KLF8: variants seen among roughly 807,000 people sequenced by gnomAD.
KLF8 encodes KLF transcription factor 8.
Under a neutral mutation model 18.2 loss-of-function variants are expected in KLF8, and 10 were observed. The observed-to-expected ratio is 0.55, with a 90% confidence interval of 0.34 to 0.93. KLF8 has a LOEUF of 0.93. KLF8 is among the 40% of genes least tolerant of loss of function. KLF8 has a pLI of 0.02. For missense variants in KLF8, 264 were observed against 277.9 expected (o/e 0.95, Z 0.36); for synonymous variants, 109 against 97.3 (o/e 1.12, Z -0.71).
chrX:56,010,017 G>A, the KLF8 span, among the ~76,000 whole-genome samples: 1 of 112,079 alleles, frequency 8.9e-6, no homozygotes, highest in Non-Finnish European at 1.9e-5. Context: ...AGAGAATGGA[G>A]CCAAGTTGGA....
chrX:56,165,299 G>T, the KLF8 span, among the ~76,000 whole-genome samples: 1 of 111,948 alleles, frequency 8.9e-6, no homozygotes, highest in South Asian at 3.7e-4. Flanking sequence ...GCCAACCAGG[G>T]GTGGAGGCAG....
At chrX:55,945,124 C>T in the KLF8 span, among the ~76,000 whole-genome samples, 4 of 110,962 alleles carry the variant, frequency 3.6e-5, no homozygotes, top group Non-Finnish European at 7.5e-5. Context: ...GTTCAGTTTC[C>T]ATGTAGTTGA....
chrX:56,080,133 A>C, the KLF8 span, among the ~76,000 whole-genome samples: 1 of 111,060 alleles, frequency 9.0e-6, no homozygotes, highest in African/African-American at 3.3e-5. Flanking sequence ...TAATTGGAGC[A>C]TTTAGTCCAT....
intron 5 of KLF8, among the ~76,000 whole-genome samples, chrX:56,275,134 A>G (rs904931090): frequency 5.4e-5 from 6 of 111,604 alleles, no homozygotes; most frequent in Non-Finnish European, 7.5e-5. Flanking sequence ...CAATCCATGA[A>G]CACGGAATAT....
At chrX:55,939,698 C>T in the KLF8 span, among the ~76,000 whole-genome samples, 1 of 111,444 alleles carries the variant, frequency 9.0e-6, no homozygotes, top group East Asian at 2.8e-4. Flanking sequence ...GGGGATATCA[C>T]CACTGAGCCC....
chrX:56,046,617 A>AC, the KLF8 span, among the ~76,000 whole-genome samples: 1 of 109,351 alleles, frequency 9.1e-6, no homozygotes, highest in South Asian at 3.9e-4. Context: ...GAAAAAAAAA[A>AC]CGGTACCTTT....
the KLF8 span, among the ~76,000 whole-genome samples, chrX:56,162,949 A>G: frequency 4.5e-5 from 5 of 112,159 alleles, no homozygotes; most frequent in South Asian, 1.5e-3. Context: ...GCTTCATAGT[A>G]TTCCATGGTG....
the KLF8 span, among the ~76,000 whole-genome samples, chrX:56,169,040 G>A: frequency 9.0e-6 from 1 of 111,478 alleles, no homozygotes; most frequent in Non-Finnish European, 1.9e-5. Context: ...AGAGACATGA[G>A]GCCCCCTTTC....
the KLF8 span, among the ~76,000 whole-genome samples, chrX:56,130,941 A>C: frequency 2.7e-5 from 3 of 111,888 alleles, no homozygotes; most frequent in Non-Finnish European, 3.8e-5. Context: ...AAAGTAACCT[A>C]ACCAGCAAAG....
chrX:56,096,909 A>T, the KLF8 span, among the ~76,000 whole-genome samples: 1 of 111,580 alleles, frequency 9.0e-6, no homozygotes, highest in Non-Finnish European at 1.9e-5. Flanking sequence ...CATTAAAATG[A>T]CACTAAAAGA....
chrX:56,163,480 G>T, the KLF8 span, among the ~76,000 whole-genome samples: 1 of 111,373 alleles, frequency 9.0e-6, no homozygotes, highest in Non-Finnish European at 1.9e-5. Flanking sequence ...ATTCCTTATA[G>T]ATATTGGATA....
the KLF8 span, among the ~76,000 whole-genome samples, chrX:55,973,557 A>G: frequency 8.9e-6 from 1 of 112,356 alleles, no homozygotes; most frequent in South Asian, 3.6e-4. Context: ...TACCTCTCAA[A>G]AGAGGACATA....
the KLF8 span, among the ~76,000 whole-genome samples, chrX:56,058,300 A>ATATACATATATATATATG: frequency 2.7e-5 from 2 of 74,160 alleles, no homozygotes; most frequent in African/African-American, 9.9e-5. Flanking sequence ...ATATATATAT[A>ATATACATATATATATATG]TATATATATA....
chrX:56,014,682 G>A, the KLF8 span, among the ~76,000 whole-genome samples: 1 of 111,427 alleles, frequency 9.0e-6, no homozygotes, highest in Non-Finnish European at 1.9e-5. Context: ...GCACGCATAT[G>A]TGCATTGCAG....
the KLF8 span, among the ~76,000 whole-genome samples, chrX:55,921,342 A>T: frequency 9.0e-6 from 1 of 111,577 alleles, no homozygotes; most frequent in Admixed American, 9.5e-5. Context: ...CGAAGATAAG[A>T]TGGTTGTAGA....
chrX:55,984,230 A>G, the KLF8 span, among the ~76,000 whole-genome samples: 2 of 110,323 alleles, frequency 1.8e-5, no homozygotes, highest in Admixed American at 1.9e-4. Context: ...TGCATCACCC[A>G]GGTATTAAGC....
chrX:56,192,664 T>A, the KLF8 span, among the ~76,000 whole-genome samples: 1 of 111,957 alleles, frequency 8.9e-6, no homozygotes, highest in Non-Finnish European at 1.9e-5. Flanking sequence ...AATCCATATC[T>A]ACAGTGAAGT....
the KLF8 span, among the ~76,000 whole-genome samples, chrX:55,910,096 C>T: frequency 8.9e-6 from 1 of 111,932 alleles, no homozygotes; most frequent in Non-Finnish European, 1.9e-5. Flanking sequence ...CCACAGTTCC[C>T]GGTGCTCTGC....
chrX:56,063,762 C>G, the KLF8 span, among the ~76,000 whole-genome samples: 1 of 111,165 alleles, frequency 9.0e-6, no homozygotes, highest in Non-Finnish European at 1.9e-5. Context: ...CACAGCCACC[C>G]CTTCTCCCAG....
Sources: gnomAD v4.1 joint callset for allele counts (sites outside exome capture counted in the v4.1 genomes callset) on GRCh38, gnomAD v4.1.1 for gene constraint, MANE v1.5 for transcripts, NCBI Gene and HGNC (gene_info 2026-07-23, HGNC 2026-07-21) for gene names.